Variants in CCDC178 observed in about 807,000 individuals in gnomAD.
CCDC178 encodes the protein coiled-coil domain-containing protein 178.
CCDC178 carries 126 observed loss-of-function variants against 117.4 expected under a neutral mutation model. That is an observed-to-expected ratio of 1.07 (90% CI 0.93 to 1.24). The LOEUF (loss-of-function observed/expected upper bound fraction) is 1.24. CCDC178 is among the 50% of genes most tolerant of loss of function. The probability of loss-of-function intolerance (pLI) is 0.00; values close to 1 mark genes in which losing one functional copy is unlikely to be tolerated. For synonymous variants in CCDC178, 283 were observed against 313.4 expected, an observed-to-expected ratio of 0.90 and a Z score of 1.02; for missense variants, 1,030 against 986.9, an observed-to-expected ratio of 1.04 and a Z score of -0.59.
At position 33,222,248 on chromosome 18, in the gene CCDC178, C is replaced by T. The variant is rs189268145; in HGVS notation, c.1932+858G>A. On this transcript the variant is annotated intron_variant, in intron 18 of 22. Coordinates refer to ENST00000383096, the MANE Select transcript of CCDC178 (RefSeq NM_001105528.4). ...CCTTCCTTTCTTCCTTCCTTCCCTCCCTCCCTCCTTTCCTGCCTCCTTCCT... is the reference window on the plus strand; with the variant it reads ...CCTTCCTTTCTTCCTTCCTTCCCTCTCTCCCTCCTTTCCTGCCTCCTTCCT... Among the ~76,000 whole-genome samples, 5 of 150,256 alleles carry T rather than the reference C, an allele frequency of 3.3e-5. No individual in the cohort carries two copies. In the East Asian group the frequency reaches 7.9e-4, roughly 24 times the overall value.
At chr18:32,998,950 G>A (rs962584703) in intron 21 of CCDC178, among the ~76,000 whole-genome samples, 24 of 151,994 alleles carry the variant, frequency 1.6e-4, no homozygotes, top group African/African-American at 5.8e-4. Flanking sequence ...CTTGAGAAAA[G>A]GAGAGGGAAG....
intron 12 of CCDC178, among the ~76,000 whole-genome samples, chr18:33,280,031 C>T (rs1032770919): frequency 6.6e-6 from 1 of 150,980 alleles, no homozygotes; most frequent in African/African-American, 2.4e-5. Flanking sequence ...CCATTCAGGA[C>T]ATAGGCATGG....
intron 20 of CCDC178, among the ~76,000 whole-genome samples, chr18:33,127,019 C>T (rs112977918): frequency 0.099 from 13,493 of 136,496 alleles, 908 homozygotes; most frequent in African/African-American, 0.21. Context: ...TATATATACA[C>T]ACACACACAC....
chr18:33,051,526 T>A (rs1319402116), intron 21 of CCDC178, among the ~76,000 whole-genome samples: 1 of 152,222 alleles, frequency 6.6e-6, no homozygotes, highest in East Asian at 1.9e-4. Flanking sequence ...TGTTTTCTAG[T>A]GACACGAAGA....
At chr18:33,233,505 G>GTTTT (rs1206970381) in intron 15 of CCDC178, among the ~76,000 whole-genome samples, 3 of 151,914 alleles carry the variant, frequency 2.0e-5, no homozygotes, top group Non-Finnish European at 4.4e-5. Flanking sequence ...TCAACGTGTT[G>GTTTT]TTTAGAACCC....
At chr18:33,372,579 C>T (rs563096839) in intron 5 of CCDC178, among the ~76,000 whole-genome samples, 2 of 152,256 alleles carry the variant, frequency 1.3e-5, no homozygotes, top group South Asian at 4.1e-4. Flanking sequence ...CTTTCATCCT[C>T]TCTAAACATG....
intron 21 of CCDC178, among the ~76,000 whole-genome samples, chr18:33,023,322 A>G (rs1158338521): frequency 2.0e-5 from 3 of 152,316 alleles, no homozygotes; most frequent in Middle Eastern, 3.4e-3. Flanking sequence ...ATGACAGACC[A>G]TATCTTGGAC....
chr18:32,969,704 A>G (rs1305167948), intron 22 of CCDC178, among the ~76,000 whole-genome samples: 1 of 151,968 alleles, frequency 6.6e-6, no homozygotes, highest in African/African-American at 2.4e-5. Flanking sequence ...TGTATAAAAT[A>G]CCACAGATAT....
chr18:33,174,971 C>G (rs1243349684), intron 20 of CCDC178, among the ~76,000 whole-genome samples: 1 of 152,126 alleles, frequency 6.6e-6, no homozygotes, highest in Non-Finnish European at 1.5e-5. Context: ...TCTCCTGCCT[C>G]AGCCTCCCAA....
intron 9 of CCDC178, among the ~76,000 whole-genome samples, chr18:33,340,784 C>T (rs1167507560): frequency 1.3e-5 from 2 of 152,190 alleles, no homozygotes; most frequent in Non-Finnish European, 2.9e-5. Flanking sequence ...TTGAGAACCT[C>T]CGCCTAAATT....
At chr18:33,027,842 C>T (rs574562881) in intron 21 of CCDC178, among the ~76,000 whole-genome samples, 10 of 151,354 alleles carry the variant, frequency 6.6e-5, no homozygotes, top group Admixed American at 1.3e-4. Context: ...AAGATAACTA[C>T]GAAAACAACC....
intron 3 of CCDC178, among the ~76,000 whole-genome samples, chr18:33,404,108 T>G (rs1314798748): frequency 6.6e-6 from 1 of 151,972 alleles, no homozygotes; most frequent in East Asian, 1.9e-4. Context: ...AAACCTAAGG[T>G]GAAAAGAAAT....
chr18:33,322,003 C>A (rs1299844488), intron 11 of CCDC178, among the ~76,000 whole-genome samples: 1 of 151,736 alleles, frequency 6.6e-6, no homozygotes, highest in South Asian at 2.1e-4. Flanking sequence ...TGAGTTTAAG[C>A]AAAAATGTTC....
At chr18:33,030,532 G>GATAGATAGATAGATAC (rs1555630268) in intron 21 of CCDC178, among the ~76,000 whole-genome samples, 10 of 151,336 alleles carry the variant, frequency 6.6e-5, no homozygotes, top group African/African-American at 2.4e-4. Flanking sequence ...AAGATAGATA[G>GATAGATAGATAGATAC]ATAGATAGAT....
intron 22 of CCDC178, among the ~76,000 whole-genome samples, chr18:32,948,621 A>G (rs1213470616): frequency 6.6e-6 from 1 of 152,074 alleles, no homozygotes; most frequent in Non-Finnish European, 1.5e-5. Flanking sequence ...TGCAATCTGA[A>G]TGCAAGTGAT....
At chr18:32,987,823 T>G (rs932910544) in intron 21 of CCDC178, among the ~76,000 whole-genome samples, 13 of 152,176 alleles carry the variant, frequency 8.5e-5, no homozygotes, top group African/African-American at 3.1e-4. Context: ...TTTGGCTGGG[T>G]GCAGTGGCTC....
chr18:33,424,372 G>C (rs185329204), intron 2 of CCDC178, among the ~76,000 whole-genome samples: 100 of 152,264 alleles, frequency 6.6e-4, no homozygotes, highest in South Asian at 1.5e-3. Context: ...CTCACTTAAT[G>C]TCATAGTGTA....
At chr18:33,062,309 G>A (rs2056936593) in intron 21 of CCDC178, among the ~76,000 whole-genome samples, 1 of 152,176 alleles carries the variant, frequency 6.6e-6, no homozygotes, top group Non-Finnish European at 1.5e-5. Flanking sequence ...TGTATTGGAA[G>A]TCCAGAGAAA....
chr18:33,439,792 T>C (rs887201837), intron 2 of CCDC178, among the ~76,000 whole-genome samples, 170 bp downstream of exon 2: 1 of 152,230 alleles, frequency 6.6e-6, no homozygotes, highest in Non-Finnish European at 1.5e-5. Context: ...AGTGATAAGC[T>C]ACCAAGTCAA....
Sources: allele counts gnomAD v4.1 joint callset (sites outside exome capture counted in the v4.1 genomes callset), GRCh38; gene constraint gnomAD v4.1.1; transcripts MANE v1.5; gene names NCBI Gene and HGNC (gene_info 2026-07-23, HGNC 2026-07-21).